Variants in NEGR1 observed in about 807,000 individuals in gnomAD.
NEGR1 encodes IgLON family member 4.
NEGR1 carries 10 observed loss-of-function variants against 40.9 expected under a neutral mutation model. That is an observed-to-expected ratio of 0.24 (90% CI 0.15 to 0.42). The LOEUF is 0.42. Ranked by LOEUF, NEGR1 falls within the 10% of genes least tolerant of loss-of-function variation. The pLI, the probability that NEGR1 is intolerant of heterozygous loss-of-function variation, is 1.00. For missense variants in NEGR1, 352 were observed against 438.9 expected (o/e 0.80, Z 1.77); for synonymous variants, 185 against 166.8 (o/e 1.11, Z -0.84).
Position 72,110,225 on chromosome 1 carries a change from A to T in NEGR1, c.176+172094T>A, listed in dbSNP as rs1036733448. Among the ~76,000 whole-genome samples the T allele has an allele frequency of 2.1e-3, 305 of 146,780 alleles. 1 individual carries two copies. Among genetic ancestry groups the T allele is most frequent in the African/African-American group, 7.1e-3 (271 of 38,048 alleles). ...ACCCTAAAACTTAGAGTATAATAAA[A>T]AAAAAAAAAAAAAAAAAGAATTGTG... On this transcript the variant is annotated intron_variant, in intron 1 of 6. Transcript: ENST00000357731.
intron 6 of NEGR1, among the ~76,000 whole-genome samples, chr1:71,473,504 T>A (rs1179108209): frequency 6.6e-6 from 1 of 152,092 alleles, no homozygotes; most frequent in East Asian, 1.9e-4. Context: ...AACTTGATCT[T>A]TTTTATGGAG....
intron 1 of NEGR1, among the ~76,000 whole-genome samples, chr1:72,025,317 T>C (rs1646797468): frequency 6.6e-6 from 1 of 152,152 alleles, no homozygotes; most frequent in Admixed American, 6.5e-5. Context: ...AATGACCTTA[T>C]ATAACATTCC....
Position 71,832,862 on chromosome 1 carries a change from A to T in NEGR1, c.410-56565T>A, listed in dbSNP as rs180951001. Among the ~76,000 whole-genome samples the T allele has an allele frequency of 2.6e-5, 4 of 152,018 alleles. No homozygotes were observed. The South Asian group carries it at 8.3e-4, about 31-fold the overall frequency. ...TGTTTTATACAGAATTTGTTTCTCT[A>T]CTGAAATGGTTAGCTTTGACTGTGT... On this transcript the variant is annotated intron_variant, in intron 2 of 6. Coordinates refer to ENST00000357731, the MANE Select transcript of NEGR1 (RefSeq NM_173808.3).
At chr1:71,603,347 G>T (rs1217589442) in intron 5 of NEGR1, among the ~76,000 whole-genome samples, 1 of 152,176 alleles carries the variant, frequency 6.6e-6, no homozygotes, top group Non-Finnish European at 1.5e-5. Flanking sequence ...AAGCAAAAGA[G>T]AAACAGAATG....
At chr1:71,821,097 C>G (rs910193046) in intron 2 of NEGR1, among the ~76,000 whole-genome samples, 1 of 152,008 alleles carries the variant, frequency 6.6e-6, no homozygotes, top group Non-Finnish European at 1.5e-5. Context: ...AAACAGTTCA[C>G]ATTTACATGG....
At chr1:71,663,952 T>C (rs1255487213) in intron 4 of NEGR1, among the ~76,000 whole-genome samples, 1 of 152,232 alleles carries the variant, frequency 6.6e-6, no homozygotes, top group Non-Finnish European at 1.5e-5. Flanking sequence ...ATATACTGAC[T>C]GGTCACTTCC....
At chr1:71,944,175 A>G (rs1570537771) in intron 1 of NEGR1, among the ~76,000 whole-genome samples, 1 of 152,202 alleles carries the variant, frequency 6.6e-6, no homozygotes, top group Admixed American at 6.5e-5. Flanking sequence ...CGCTGTGGGG[A>G]AAGTTCTGTC....
At chr1:72,135,352 G>A (rs1413115573) in intron 1 of NEGR1, among the ~76,000 whole-genome samples, 3 of 145,286 alleles carry the variant, frequency 2.1e-5, no homozygotes, top group African/African-American at 7.6e-5. Context: ...TTCCAGCCTG[G>A]GTGACAGAGC....
intron 1 of NEGR1, among the ~76,000 whole-genome samples, chr1:72,269,065 T>C (rs1655754818): frequency 6.6e-6 from 1 of 151,622 alleles, no homozygotes; most frequent in Admixed American, 6.6e-5. Flanking sequence ...TTATGTGCTA[T>C]TGGATACAAA....
chr1:71,399,065 C>A lies in NEGR1; in HGVS notation c.*8381G>T, dbSNP rs1336066636. 6.6e-6 allele frequency: 1 copy of A among 152,160 alleles called. No individual in the cohort carries two copies. The highest frequency in any genetic ancestry group is 1.5e-5 in the Non-Finnish European group (1 of 68,048). The allele number at this position is 152,160 out of a possible 1,614,324, so 9.4% of individuals were successfully genotyped here. ...TGCCCTGTCTCGGGTATATCTTTAT[C>A]AGCAGTGTGAAAACTGACTAATATA... On this transcript the variant is annotated 3_prime_UTR_variant, in exon 7 of 7. Transcript: ENST00000357731.
At chr1:72,207,896 A>G (rs913351716) in intron 1 of NEGR1, among the ~76,000 whole-genome samples, 1 of 151,844 alleles carries the variant, frequency 6.6e-6, no homozygotes, top group Non-Finnish European at 1.5e-5. Flanking sequence ...AAAAAAGAGC[A>G]ATTTGAACAG....
At chr1:71,660,157 G>A (rs913450167) in intron 4 of NEGR1, among the ~76,000 whole-genome samples, 7 of 152,126 alleles carry the variant, frequency 4.6e-5, no homozygotes, top group Non-Finnish European at 7.4e-5. Context: ...AAAAAAGAAC[G>A]AGATCATGTC....
intron 1 of NEGR1, among the ~76,000 whole-genome samples, chr1:72,012,877 A>T (rs867979541): frequency 4.7e-4 from 65 of 138,700 alleles, no homozygotes; most frequent in Middle Eastern, 7.8e-3. Flanking sequence ...ATATATATAT[A>T]TTTTTTTTTT....
intron 6 of NEGR1, among the ~76,000 whole-genome samples, chr1:71,480,822 A>G (rs1569926010): frequency 6.6e-6 from 1 of 151,880 alleles, no homozygotes; most frequent in East Asian, 1.9e-4. Flanking sequence ...TAATTCTGTC[A>G]AAGAACCCTG....
intron 6 of NEGR1, among the ~76,000 whole-genome samples, chr1:71,513,417 GT>G (rs2101419352): frequency 6.6e-6 from 1 of 152,186 alleles, no homozygotes; most frequent in African/African-American, 2.4e-5. Flanking sequence ...ATGTTTTTGA[GT>G]TGATAAAATT....
Position 71,592,968 on chromosome 1 carries a change from C to T in NEGR1, c.789G>A (p.Lys263=), listed in dbSNP as rs748349933. ...PAFEWYKGEK[K]LFNGQQGIII... is the part of the protein sequence containing the mutation. Reference sequence around the variant, plus strand: ...TAATTCCTTGTTGGCCATTGAAGAGCCTAGAAGACAAAATAAGCTCTAGGT... The same window carrying T: ...TAATTCCTTGTTGGCCATTGAAGAGTCTAGAAGACAAAATAAGCTCTAGGT... The change falls in exon 6 of 7, where the codon AAG becomes AAA. Residue 263 remains lysine, a splice_region_variant and synonymous_variant. Coordinates refer to ENST00000357731, the MANE Select transcript of NEGR1 (RefSeq NM_173808.3). 1.2e-6 allele frequency: 2 copies of T among 1,606,406 alleles called. No individual in the cohort carries two copies. Among genetic ancestry groups the T allele is most frequent in the Admixed American group, 3.3e-5 (2 of 59,884 alleles).
At chr1:72,110,768 G>A (rs1026781008) in intron 1 of NEGR1, among the ~76,000 whole-genome samples, 1 of 151,236 alleles carries the variant, frequency 6.6e-6, no homozygotes, top group African/African-American at 2.4e-5. Context: ...TTGTTTTCAC[G>A]ACTTTTTACC....
chr1:72,203,470 T>C (rs1441422241), intron 1 of NEGR1, among the ~76,000 whole-genome samples: 1 of 152,124 alleles, frequency 6.6e-6, no homozygotes, highest in African/African-American at 2.4e-5. Flanking sequence ...CTTGAATGAA[T>C]GATAAGTTGC....
At chr1:71,717,812 C>G (rs1654328185) in intron 3 of NEGR1, among the ~76,000 whole-genome samples, 3 of 152,140 alleles carry the variant, frequency 2.0e-5, no homozygotes, top group Admixed American at 6.5e-5. Flanking sequence ...TCCAGTATCA[C>G]TGGTATCCTT....
Sources: gnomAD v4.1 joint callset for allele counts (sites outside exome capture counted in the v4.1 genomes callset) on GRCh38, gnomAD v4.1.1 for gene constraint, MANE v1.5 for transcripts, NCBI Gene and HGNC (gene_info 2026-07-23, HGNC 2026-07-21) for gene names.